The following WLS variants were observed in gnomAD, a reference collection of about 807,000 sequenced individuals.
The protein encoded by WLS is Wnt ligand secretion mediator.
A neutral mutation model predicts 62.8 loss-of-function variants in WLS; 23 were observed. That is an observed-to-expected ratio of 0.37 (90% CI 0.26 to 0.52). The LOEUF (loss-of-function observed/expected upper bound fraction) is 0.52. Ranked by LOEUF, WLS falls within the 20% of genes least tolerant of loss-of-function variation. The pLI is 0.92. For synonymous variants in WLS, 246 were observed against 244.1 expected (o/e 1.01, Z -0.07); for missense variants, 615 against 697.3 (o/e 0.88, Z 1.33).
At chr1:68,177,436 G>C (rs1327844002) in intron 2 of WLS, among the ~76,000 whole-genome samples, 1 of 152,186 alleles carries the variant, frequency 6.6e-6, no homozygotes, top group Non-Finnish European at 1.5e-5. Flanking sequence ...TGAACACTCA[G>C]CCCTGCCACC....
At chr1:68,163,218 T>G in intron 2 of WLS, 1 of 622,790 alleles carries the variant, frequency 1.6e-6, no homozygotes, top group Non-Finnish European at 2.8e-6. Context: ...ACACTATAAA[T>G]CTGTACACTA....
chr1:68,125,022 A>G (rs142145325), downstream of WLS, among the ~76,000 whole-genome samples: 1 of 152,346 alleles, frequency 6.6e-6, no homozygotes, highest in African/African-American at 2.4e-5. Flanking sequence ...CAGACCTTCA[A>G]CAGGAAACAG....
At chr1:68,167,081 C>A (rs1223993158) in intron 2 of WLS, among the ~76,000 whole-genome samples, 2 of 152,180 alleles carry the variant, frequency 1.3e-5, no homozygotes, top group African/African-American at 4.8e-5. Flanking sequence ...GGTTCCTTAC[C>A]TGTTAGGATA....
At chr1:68,192,287 C>G (rs1033651313) in intron 2 of WLS, among the ~76,000 whole-genome samples, 22 of 152,072 alleles carry the variant, frequency 1.4e-4, no homozygotes, top group African/African-American at 5.3e-4. Context: ...AATTGTACAT[C>G]AAGATTATTA....
At chr1:68,148,052 C>T in intron 8 of WLS, 84 bp downstream of exon 8, 1 of 1,401,826 alleles carries the variant, frequency 7.1e-7, no homozygotes, top group Non-Finnish European at 1.0e-6. Context: ...ATATGGGGAG[C>T]ATCAGCAGAG....
intron 1 of WLS, among the ~76,000 whole-genome samples, chr1:68,228,416 C>A (rs1650256704): frequency 1.3e-5 from 2 of 152,064 alleles, no homozygotes; most frequent in Admixed American, 1.3e-4. Context: ...GATTCAAGTT[C>A]ATGATTTTTA....
downstream of WLS, among the ~76,000 whole-genome samples, chr1:68,121,936 C>T (rs1553124401): frequency 6.6e-6 from 1 of 152,208 alleles, no homozygotes; most frequent in Non-Finnish European, 1.5e-5. Context: ...AGCAGTTTCT[C>T]TGTGAATTTA....
At chr1:68,220,860 C>G (rs1649911373) in intron 1 of WLS, among the ~76,000 whole-genome samples, 1 of 152,168 alleles carries the variant, frequency 6.6e-6, no homozygotes, top group Admixed American at 6.5e-5. Context: ...CTTTATGTAA[C>G]TAGCCGAAGT....
chr1:68,154,894 A>C (rs1265630565), intron 4 of WLS, among the ~76,000 whole-genome samples: 1 of 152,208 alleles, frequency 6.6e-6, no homozygotes, highest in Non-Finnish European at 1.5e-5. Context: ...TCTTAAGCCC[A>C]TTTAAAATCT....
At chr1:68,124,908 A>G (rs987892552), downstream of WLS, among the ~76,000 whole-genome samples, 1 of 152,178 alleles carries the variant, frequency 6.6e-6, no homozygotes, top group Non-Finnish European at 1.5e-5. Context: ...TGTTCATAAA[A>G]CACTTCCATA....
At chr1:68,179,705 T>C (rs1647437817) in intron 2 of WLS, among the ~76,000 whole-genome samples, 1 of 152,156 alleles carries the variant, frequency 6.6e-6, no homozygotes, top group Non-Finnish European at 1.5e-5. Context: ...GAAAGTCAAC[T>C]CTTATAGTCT....
At chr1:68,148,455 C>T (rs767918428) in intron 7 of WLS, 108 bp downstream of exon 7, 12 of 1,245,334 alleles carry the variant, frequency 9.6e-6, no homozygotes, top group Middle Eastern at 2.2e-4. Context: ...TGCTTCCAAA[C>T]CAAAGGTTCC....
chr1:68,131,257 A>C (rs141342308), intron 11 of WLS, among the ~76,000 whole-genome samples: 1 of 151,014 alleles, frequency 6.6e-6, no homozygotes, highest in African/African-American at 2.4e-5. Flanking sequence ...AGTATGTGGT[A>C]TATAGTAAGT....
At chr1:68,178,431 T>C (rs1254651994) in intron 2 of WLS, among the ~76,000 whole-genome samples, 3 of 152,218 alleles carry the variant, frequency 2.0e-5, no homozygotes, top group East Asian at 1.9e-4. Flanking sequence ...CCAGGAGTGG[T>C]GGCTTACGCC....
At chr1:68,193,033 C>G (rs550279795) in intron 2 of WLS, among the ~76,000 whole-genome samples, 1 of 150,588 alleles carries the variant, frequency 6.6e-6, no homozygotes, top group Non-Finnish European at 1.5e-5. Flanking sequence ...CACTTGAACG[C>G]GGGAGGCGGA....
At chr1:68,215,050 C>T (rs991388557) in intron 1 of WLS, among the ~76,000 whole-genome samples, 1 of 152,180 alleles carries the variant, frequency 6.6e-6, no homozygotes, top group African/African-American at 2.4e-5. Flanking sequence ...GTGGCTAGTG[C>T]TTGGCTTGGT....
chr1:68,110,002 A>C (rs1177333042), intron 11 of WLS, among the ~76,000 whole-genome samples: 1 of 42,616 alleles, frequency 2.3e-5, no homozygotes, highest in African/African-American at 8.5e-5. Flanking sequence ...ACACAACACA[A>C]AAAGTAAAAA....
intron 1 of WLS, chr1:68,231,615 T>G (rs1259427391): frequency 6.5e-5 from 22 of 337,666 alleles, no homozygotes; most frequent in East Asian, 2.9e-4. Context: ...TGGGGTGGAG[T>G]GCGGCGGGAA....
At chr1:68,107,638 A>C (rs1341216266) in intron 11 of WLS, among the ~76,000 whole-genome samples, 4 of 152,184 alleles carry the variant, frequency 2.6e-5, no homozygotes, top group Non-Finnish European at 5.9e-5. Context: ...AGGGGGAAAA[A>C]AACATGATCT....
Sources: gnomAD v4.1 joint callset for allele counts (sites outside exome capture counted in the v4.1 genomes callset) on GRCh38, gnomAD v4.1.1 for gene constraint, MANE v1.5 for transcripts, NCBI Gene and HGNC (gene_info 2026-07-23, HGNC 2026-07-21) for gene names.